The following PRMT3 variants were observed in gnomAD, a reference collection of about 807,000 sequenced individuals.
PRMT3 encodes the protein protein arginine N-methyltransferase 3.
A neutral mutation model predicts 71.9 loss-of-function variants in PRMT3; 62 were observed. The ratio of observed to expected loss-of-function variants is 0.86; its 90% CI spans 0.70 to 1.07. The LOEUF (loss-of-function observed/expected upper bound fraction) is 1.07. PRMT3 is among the 50% of genes least tolerant of loss of function. The pLI is 0.00. For missense variants in PRMT3, 663 were observed against 643.0 expected (o/e 1.03, Z -0.34); for synonymous variants, 213 against 220.4 (o/e 0.97, Z 0.30).
chr11:20,474,000 T>G (rs1850717005), intron 13 of PRMT3, among the ~76,000 whole-genome samples: 1 of 152,190 alleles, frequency 6.6e-6, no homozygotes. Context: ...CCAAGTGTCA[T>G]ACAGGGTATG....
intron 5 of PRMT3, 34 bp from the exon 6 acceptor site, chr11:20,395,769 A>T (rs1848811190): frequency 6.3e-7 from 1 of 1,590,198 alleles, no homozygotes; most frequent in African/African-American, 1.3e-5. Flanking sequence ...TTGTTATAAG[A>T]TGGCCTGATA....
At chr11:20,504,684 T>TTGTGTGTG (rs36130968) in intron 15 of PRMT3, among the ~76,000 whole-genome samples, 1 of 121,054 alleles carries the variant, frequency 8.3e-6, no homozygotes, top group African/African-American at 3.4e-5. Context: ...ATCTCAAGTA[T>TTGTGTGTG]TGTATGTGTG....
rs116170016 is a variant in PRMT3, at chr11:20,462,586, G to C, written c.1260+419G>C. On this transcript the variant is annotated intron_variant, in intron 12 of 15. Coordinates refer to ENST00000331079, the MANE Select transcript of PRMT3 (RefSeq NM_005788.4). ...ACTTCTCTCATTCAGATTTCTTCCA[G>C]CGTTTTCAGATTAAGTAATTACATA... Among the ~76,000 whole-genome samples the C allele has an allele frequency of 7.9e-5, 12 of 152,184 alleles. 3 individuals are homozygous for C. Among genetic ancestry groups the C allele is most frequent in the African/African-American group, 2.9e-4 (12 of 41,506 alleles).
intron 9 of PRMT3, among the ~76,000 whole-genome samples, chr11:20,416,765 G>A (rs193027076): frequency 7.9e-4 from 121 of 152,268 alleles, no homozygotes; most frequent in African/African-American, 2.8e-3. Flanking sequence ...TTGGGAGGGA[G>A]CAGCTCATAG....
intron 13 of PRMT3, among the ~76,000 whole-genome samples, chr11:20,478,819 A>C (rs971376576): frequency 1.3e-5 from 2 of 152,216 alleles, no homozygotes; most frequent in African/African-American, 2.4e-5. Flanking sequence ...TTTAAATCTT[A>C]TAATGCTTCT....
intron 10 of PRMT3, among the ~76,000 whole-genome samples, chr11:20,451,030 C>A (rs977587841): frequency 1.3e-5 from 2 of 152,016 alleles, no homozygotes; most frequent in African/African-American, 4.8e-5. Flanking sequence ...GGGGGTTGGA[C>A]CCTAGAAGGA....
chr11:20,415,249 G>A (rs546686583), intron 9 of PRMT3, among the ~76,000 whole-genome samples: 4 of 152,186 alleles, frequency 2.6e-5, no homozygotes, highest in South Asian at 2.1e-4. Flanking sequence ...TCTGGTGAAC[G>A]TCATGAAGGT....
chr11:20,496,198 T>C (rs1851328089), intron 15 of PRMT3, among the ~76,000 whole-genome samples: 1 of 152,134 alleles, frequency 6.6e-6, no homozygotes, highest in African/African-American at 2.4e-5. Context: ...GATAAATAAA[T>C]GTGGTAGTTG....
At position 20,461,897 on chromosome 11, in the gene PRMT3, A is replaced by T. The variant is rs1047538950; in HGVS notation, c.1073-83A>T. Reference sequence around the variant, plus strand: ...CTAGTAATCCTTACTGATGGATTTGATATTTATATTTAGGCTTTAAAAAAT... The same window carrying T: ...CTAGTAATCCTTACTGATGGATTTGTTATTTATATTTAGGCTTTAAAAAAT... On this transcript the variant is annotated intron_variant, in intron 11 of 15. Transcript: ENST00000331079. The T allele has an allele frequency of 1.5e-5, 18 of 1,211,262 alleles. 1 individual carries two copies. In the Middle Eastern group the frequency reaches 1.0e-3, roughly 69 times the overall value. 75.0% of individuals were successfully genotyped at this position (1,211,262 alleles called of 1,614,324 possible).
chr11:20,504,088 T>C (rs1043983588), intron 15 of PRMT3, among the ~76,000 whole-genome samples: 1 of 152,226 alleles, frequency 6.6e-6, no homozygotes, highest in African/African-American at 2.4e-5. Context: ...TTGTTTCATA[T>C]GTGTATTGGC....
chr11:20,445,009 A>G (rs1849991710), intron 10 of PRMT3, among the ~76,000 whole-genome samples: 1 of 151,922 alleles, frequency 6.6e-6, no homozygotes, highest in Admixed American at 6.6e-5. Context: ...AATGTTTTTA[A>G]TAATTGTAAT....
At chr11:20,493,140 A>AG (rs1284800657) in intron 13 of PRMT3, among the ~76,000 whole-genome samples, 1 of 151,914 alleles carries the variant, frequency 6.6e-6, no homozygotes, top group Non-Finnish European at 1.5e-5. Context: ...TCAAAAAAAA[A>AG]AAAATCTTTT....
chr11:20,399,815 A>C (rs894305224), intron 7 of PRMT3, among the ~76,000 whole-genome samples: 4 of 152,214 alleles, frequency 2.6e-5, no homozygotes, highest in Admixed American at 2.0e-4. Context: ...TGGTACGTTT[A>C]ACTCCTTTCA....
intron 9 of PRMT3, among the ~76,000 whole-genome samples, chr11:20,411,825 C>A (rs1477699079): frequency 6.6e-6 from 1 of 152,064 alleles, no homozygotes; most frequent in African/African-American, 2.4e-5. Flanking sequence ...GAGCATATAC[C>A]TAGAAGCTTA....
chr11:20,392,175 T>C, intron 3 of PRMT3, 36 bp from the exon 4 acceptor site: 1 of 1,556,488 alleles, frequency 6.4e-7, no homozygotes, highest in Non-Finnish European at 8.8e-7. Flanking sequence ...AAACTCATTA[T>C]GTTAACATAG....
At chr11:20,457,617 C>CA (rs1235116642) in intron 11 of PRMT3, among the ~76,000 whole-genome samples, 6 of 152,166 alleles carry the variant, frequency 3.9e-5, no homozygotes, top group African/African-American at 1.4e-4. Context: ...AGAGTTACAA[C>CA]TGGTGAACAT....
At chr11:20,403,110 T>G (rs1848985887) in intron 8 of PRMT3, 126 bp downstream of exon 8, 1 of 707,196 alleles carries the variant, frequency 1.4e-6, no homozygotes, top group Admixed American at 2.5e-5. Context: ...TGGAAGACAT[T>G]TATGATGCTG....
chr11:20,491,089 A>T (rs562539764), intron 13 of PRMT3, among the ~76,000 whole-genome samples: 1 of 152,244 alleles, frequency 6.6e-6, no homozygotes, highest in Admixed American at 6.5e-5. Flanking sequence ...ATTTCTATCA[A>T]TCTTCAAATT....
intron 10 of PRMT3, among the ~76,000 whole-genome samples, chr11:20,433,315 C>T (rs1849693822): frequency 6.6e-6 from 1 of 152,074 alleles, no homozygotes; most frequent in Admixed American, 6.5e-5. Flanking sequence ...ATTTGGTTTT[C>T]TGTTGCTGTA....
Sources: allele counts gnomAD v4.1 joint callset (sites outside exome capture counted in the v4.1 genomes callset), GRCh38; gene constraint gnomAD v4.1.1; transcripts MANE v1.5; gene names NCBI Gene and HGNC (gene_info 2026-07-23, HGNC 2026-07-21).